Variants in TMEM9B observed in about 807,000 individuals in gnomAD.
The protein encoded by TMEM9B is transmembrane protein 9B.
TMEM9B carries 8 observed loss-of-function variants against 23.5 expected under a neutral mutation model. The ratio of observed to expected loss-of-function variants is 0.34; its 90% CI spans 0.20 to 0.61. The LOEUF is 0.61. Ranked by LOEUF, TMEM9B falls within the 20% of genes least tolerant of loss-of-function variation. The pLI, the probability that TMEM9B is intolerant of heterozygous loss-of-function variation, is 0.78. For missense variants in TMEM9B, 197 were observed against 252.3 expected (o/e 0.78, Z 1.49); for synonymous variants, 106 against 96.3 (o/e 1.10, Z -0.59).
chr11:8,951,602 C>T lies in TMEM9B; in HGVS notation c.441+1601G>A, dbSNP rs188740852. Reference sequence around the variant, plus strand: ...CCGTCTCTACTAGAAAAAAAAAATACGAAAAATTAGCCGGGCGCGATGGCG... The same window carrying T: ...CCGTCTCTACTAGAAAAAAAAAATATGAAAAATTAGCCGGGCGCGATGGCG... On this transcript the variant is annotated intron_variant, in intron 4 of 4. Transcript: ENST00000534025. Among the ~76,000 whole-genome samples, 338 of 141,732 alleles carry T rather than the reference C, an allele frequency of 2.4e-3. 1 individual carries two copies. Among genetic ancestry groups the T allele is most frequent in the African/African-American group, 8.2e-3 (318 of 38,878 alleles). 93.0% of individuals were successfully genotyped at this position (141,732 alleles called of 152,430 possible). A position where few individuals can be genotyped will look rare whatever the true frequency, so the allele number is the denominator to read the frequency against.
At chr11:8,956,394 TA>T in intron 2 of TMEM9B, 96 bp from the exon 3 acceptor site, 1 of 863,596 alleles carries the variant, frequency 1.2e-6, no homozygotes, top group Non-Finnish European at 1.8e-6. Flanking sequence ...TCACTAAACT[TA>T]CCCAATGAAA....
Position 8,957,842 on chromosome 11 carries a change from G to A in TMEM9B, c.198-1544C>T, listed in dbSNP as rs1439480601. 2.6e-5 allele frequency among the ~76,000 whole-genome samples: 4 copies of A among 152,222 alleles called. No homozygotes were observed. The highest frequency in any genetic ancestry group is 2.1e-4 in the South Asian group (1 of 4,826). The stretch of plus-strand genomic sequence containing the variant: ...ACATCACTATGTATCCCATAAATAC[G>A]TACAGTTATTGTGTCAATTAAAAAT... On this transcript the variant is annotated intron_variant, in intron 2 of 4. Coordinates refer to ENST00000534025, the MANE Select transcript of TMEM9B (RefSeq NM_020644.3). This position sits in a 1 kb window ranked among gnomAD's most constrained non-coding sequence, Gnocchi z 4.3.
chr11:8,953,148 C>T, intron 4 of TMEM9B, 55 bp downstream of exon 4: 1 of 1,611,880 alleles, frequency 6.2e-7, no homozygotes, highest in Non-Finnish European at 8.5e-7. Context: ...TTGCACTTCA[C>T]ATCGAATGAT....
chr11:8,949,078 TTCC>T (rs1337729355), intron 4 of TMEM9B, among the ~76,000 whole-genome samples: 1 of 152,186 alleles, frequency 6.6e-6, no homozygotes, highest in Admixed American at 6.5e-5. Context: ...TTCCAAAAGC[TTCC>T]TCATTTCCCC....
At position 8,964,201 on chromosome 11, in the gene TMEM9B, G is replaced by T. The variant is rs1389674394; in HGVS notation, c.105+8C>A. 6.4e-7 allele frequency: 1 copy of T among 1,567,696 alleles called. No individual in the cohort carries two copies. On this transcript the variant is annotated splice_region_variant and intron_variant, in intron 1 of 4. Transcript: ENST00000534025. ...CTTCCGTCAGGAGCGAGGCTGGGCGGGACTCACCTTGGCGGCGTCTGACAG... is the reference window on the plus strand; with the variant it reads ...CTTCCGTCAGGAGCGAGGCTGGGCGTGACTCACCTTGGCGGCGTCTGACAG...
Position 8,964,396 on chromosome 11 carries a change from C to A in TMEM9B, c.-83G>T. The A allele has an allele frequency of 6.6e-7, 1 of 1,510,942 alleles. No homozygotes were observed. The highest frequency in any genetic ancestry group is 8.8e-7 in the Non-Finnish European group (1 of 1,132,766). The allele number at this position is 1,510,942 out of a possible 1,614,324, so 93.6% of individuals were successfully genotyped here. A position where few individuals can be genotyped will look rare whatever the true frequency, so the allele number is the denominator to read the frequency against. ...GCTCAGGCTCAGGCTCAGGCTCAGG[C>A]ACAGGCTTGGGACCCGGCTGGGGAT... On this transcript the variant is annotated 5_prime_UTR_variant, in exon 1 of 5. Coordinates refer to ENST00000534025, the MANE Select transcript of TMEM9B (RefSeq NM_020644.3).
chr11:8,955,236 T>G (rs973112721), intron 3 of TMEM9B, among the ~76,000 whole-genome samples: 6 of 151,320 alleles, frequency 4.0e-5, no homozygotes, highest in African/African-American at 1.5e-4. Context: ...GTGATGAGAG[T>G]GATCTACATC....
At chr11:8,963,494 TAGA>T (rs1257684873) in intron 1 of TMEM9B, among the ~76,000 whole-genome samples, 1 of 152,160 alleles carries the variant, frequency 6.6e-6, no homozygotes, top group Non-Finnish European at 1.5e-5. Context: ...ATGAGGGAAC[TAGA>T]AGGTCAAGAA....
At chr11:8,951,701 T>C (rs1411929787) in intron 4 of TMEM9B, among the ~76,000 whole-genome samples, 1 of 147,616 alleles carries the variant, frequency 6.8e-6, no homozygotes, top group East Asian at 2.0e-4. Context: ...GAGCTTGCAG[T>C]GCGCTGAGAT....
At chr11:8,955,274 C>A (rs1285241998) in intron 3 of TMEM9B, among the ~76,000 whole-genome samples, 4 of 152,004 alleles carry the variant, frequency 2.6e-5, no homozygotes, top group African/African-American at 7.3e-5. Context: ...ACTCCACAAC[C>A]TTTTTGGCAC....
chr11:8,962,783 C>T (rs1854104421), intron 1 of TMEM9B: 1 of 152,230 alleles, frequency 6.6e-6, no homozygotes, highest in African/African-American at 2.4e-5. Flanking sequence ...GCTTCTAATT[C>T]CTGGTTGACA....
At chr11:8,960,147 T>G (rs1253515446) in intron 2 of TMEM9B, among the ~76,000 whole-genome samples, 5 of 144,262 alleles carry the variant, frequency 3.5e-5, no homozygotes, top group Admixed American at 2.1e-4. Context: ...TGTTTTTTTT[T>G]TTTTTTTTTT....
At chr11:8,952,249 T>TACACACACACACACACACAC (rs142506777) in intron 4 of TMEM9B, among the ~76,000 whole-genome samples, 5 of 122,648 alleles carry the variant, frequency 4.1e-5, no homozygotes, top group African/African-American at 1.1e-4. Context: ...GCCAACTATA[T>TACACACACACACACACACAC]ACACACACAC....
intron 4 of TMEM9B, among the ~76,000 whole-genome samples, chr11:8,952,279 C>CACACACACAT (rs371219457): frequency 1.9e-3 from 240 of 126,134 alleles, no homozygotes; most frequent in African/African-American, 6.2e-3. Flanking sequence ...CACACACACA[C>CACACACACAT]GCTATATATA....
At chr11:8,963,488 G>A (rs1854117109) in intron 1 of TMEM9B, among the ~76,000 whole-genome samples, 1 of 152,228 alleles carries the variant, frequency 6.6e-6, no homozygotes, top group Non-Finnish European at 1.5e-5. Context: ...AACAGTATGA[G>A]GGAACTAGAA....
chr11:8,957,812 T>C lies in TMEM9B; in HGVS notation c.198-1514A>G, dbSNP rs1854001008. On this transcript the variant is annotated intron_variant, in intron 2 of 4. Transcript: ENST00000534025. The surrounding 1 kb of genome is among the most constrained non-coding windows in gnomAD (Gnocchi z 4.3). ...ATCAAATCACTATATCTTATATGAATTGAAACATCACTATGTATCCCATAA... is the reference window on the plus strand; with the variant it reads ...ATCAAATCACTATATCTTATATGAACTGAAACATCACTATGTATCCCATAA... Among the ~76,000 whole-genome samples, 1 of 152,228 alleles carries C rather than the reference T, an allele frequency of 6.6e-6. No individual in the cohort carries two copies.
Position 8,953,183 on chromosome 11 carries a change from AGGG to A in TMEM9B, c.441+17_441+19del. The A allele has an allele frequency of 6.2e-7, 1 of 1,614,170 alleles. No homozygotes were observed. Among genetic ancestry groups the A allele is most frequent in the African/African-American group, 1.3e-5 (1 of 75,040 alleles). On this transcript the variant is annotated intron_variant, in intron 4 of 4. Coordinates refer to ENST00000534025, the MANE Select transcript of TMEM9B (RefSeq NM_020644.3). ...TGACAGGGACTGGCCATGAGCAGCT[AGGG>A]CAGGCTGGGAACTTACCCCAATATC...
At position 8,963,906 on chromosome 11, in the gene TMEM9B, C is replaced by G. The variant is rs1854128772; in HGVS notation, c.105+303G>C. 4 of 418,630 alleles carry G rather than the reference C, an allele frequency of 9.6e-6. No individual in the cohort carries two copies. The South Asian group carries it at 1.3e-4, about 14-fold the overall frequency. The allele number at this position is 418,630 out of a possible 1,614,324, so 25.9% of individuals were successfully genotyped here. ...TGAAAAGGTTGTCAAGTGTAAGATG[C>G]GTGCAGCCGGGGCTGGGAAGGGAAA... On this transcript the variant is annotated intron_variant, in intron 1 of 4. Coordinates refer to ENST00000534025, the MANE Select transcript of TMEM9B (RefSeq NM_020644.3).
In TMEM9B at chr11:8,947,942, CAAACAAACAAA is replaced by C. The variant is rs1853800694; in HGVS notation, c.*367_*377del. The C allele has an allele frequency of 6.2e-6, 1 of 160,680 alleles. No individual in the cohort carries two copies. The highest frequency in any genetic ancestry group is 1.4e-5 in the Non-Finnish European group (1 of 73,082). The allele number at this position is 160,680 out of a possible 1,614,324, so 10.0% of individuals were successfully genotyped here. A position where few individuals can be genotyped will look rare whatever the true frequency, so the allele number is the denominator to read the frequency against. ...GCATCCCTCCCCTCTCCCACCAAAA[CAAACAAACAAA>C]AAACAACAACAACAAAAACCCTGAA... is the stretch of plus-strand genomic sequence containing the variant. On this transcript the variant is annotated 3_prime_UTR_variant, in exon 5 of 5. Transcript: ENST00000534025.
Sources: allele counts gnomAD v4.1 joint callset (sites outside exome capture counted in the v4.1 genomes callset), GRCh38; gene constraint gnomAD v4.1.1; non-coding constraint Gnocchi (gnomAD v3.1); transcripts MANE v1.5; gene names NCBI Gene and HGNC (gene_info 2026-07-23, HGNC 2026-07-21).